ARHGAP6: variants seen among roughly 807,000 people sequenced by gnomAD.
The protein encoded by ARHGAP6 is rho GTPase-activating protein 6.
In ARHGAP6, 16 loss-of-function variants were observed where a neutral mutation model predicts 55.7. The ratio of observed to expected loss-of-function variants is 0.29; its 90% CI spans 0.19 to 0.44. The LOEUF (loss-of-function observed/expected upper bound fraction) is 0.44. Ranked by LOEUF, ARHGAP6 falls within the 20% of genes least tolerant of loss-of-function variation. The probability of loss-of-function intolerance (pLI) is 1.00; values close to 1 mark genes in which losing one functional copy is unlikely to be tolerated. For synonymous variants in ARHGAP6, 382 were observed against 360.9 expected (o/e 1.06, Z -0.66); for missense variants, 698 against 808.9 (o/e 0.86, Z 1.66).
chrX:11,139,376 G>T lies in ARHGAP6; in HGVS notation c.2412C>A (p.Ala804=). The T allele has an allele frequency of 1.7e-6, 2 of 1,181,754 alleles. No homozygotes were observed. Among genetic ancestry groups the T allele is most frequent in the Non-Finnish European group, 2.3e-6 (2 of 882,080 alleles). The change falls in exon 13 of 13, where the codon GCC becomes GCA. Residue 804 remains alanine (A), a synonymous_variant. Coordinates refer to ENST00000337414, the MANE Select transcript of ARHGAP6 (RefSeq NM_013427.3). ...GGTGGGCCCTGCCCTCCGTCGCGGGGGCTGCGGCCTGAGTCCTCCGAGCCC... is the reference window on the plus strand; with the variant it reads ...GGTGGGCCCTGCCCTCCGTCGCGGGTGCTGCGGCCTGAGTCCTCCGAGCCC... The part of the protein sequence containing the change: ...TQGARRTQAA[A]PATEGRAHPA...
At chrX:11,340,447 C>T (rs1013056276) in intron 1 of ARHGAP6, among the ~76,000 whole-genome samples, 3 of 112,024 alleles carry the variant, frequency 2.7e-5, no homozygotes, top group East Asian at 2.8e-4. Context: ...AAATAGATTT[C>T]GGCCGGGTGC....
At position 11,151,826 on chromosome X, in the gene ARHGAP6, G is replaced by A. The variant is rs1353269064; in HGVS notation, c.1907+4703C>T. On this transcript the variant is annotated intron_variant, in intron 10 of 12. Transcript: ENST00000337414. ...TGGCCTCACAGGAATGTAAAGCTTTGTTTAGGTATGTGAACTGGTGGCAGA... is the reference window on the plus strand; with the variant it reads ...TGGCCTCACAGGAATGTAAAGCTTTATTTAGGTATGTGAACTGGTGGCAGA... Among the ~76,000 whole-genome samples the A allele has an allele frequency of 1.9e-4, 21 of 111,846 alleles. No individual in the cohort carries two copies. The Admixed American group carries it at 2.0e-3, about 11-fold the overall frequency.
intron 1 of ARHGAP6, among the ~76,000 whole-genome samples, chrX:11,462,771 C>T (rs1162796975): frequency 2.7e-5 from 3 of 112,259 alleles, no homozygotes; most frequent in African/African-American, 9.7e-5. Context: ...GCATTTGCTT[C>T]CAACTTTTAA....
At chrX:11,219,966 G>A (rs1260657442) in intron 2 of ARHGAP6, among the ~76,000 whole-genome samples, 2 of 103,460 alleles carry the variant, frequency 1.9e-5, no homozygotes, top group African/African-American at 7.1e-5. Context: ...CCTTGCCCAT[G>A]CCTATGTCCT....
At chrX:11,168,770 G>A (rs979860329) in intron 9 of ARHGAP6, among the ~76,000 whole-genome samples, 1 of 111,976 alleles carries the variant, frequency 8.9e-6, no homozygotes, top group Non-Finnish European at 1.9e-5. Flanking sequence ...ATAGAAGAGA[G>A]TTGGCATTTG....
chrX:11,635,395 AT>A (rs201372399), intron 1 of ARHGAP6, among the ~76,000 whole-genome samples: 5 of 111,873 alleles, frequency 4.5e-5, no homozygotes, highest in Non-Finnish European at 9.4e-5. Context: ...ATTCTATGAG[AT>A]TTTTTTAAAA....
At chrX:11,517,738 A>G (rs760106393) in intron 1 of ARHGAP6, among the ~76,000 whole-genome samples, 4 of 111,288 alleles carry the variant, frequency 3.6e-5, no homozygotes, top group African/African-American at 1.3e-4. Flanking sequence ...CAAACACTGT[A>G]TGTTCTCACT....
intron 1 of ARHGAP6, among the ~76,000 whole-genome samples, chrX:11,450,204 G>A (rs954820875): frequency 2.5e-5 from 1 of 40,801 alleles, no homozygotes; most frequent in African/African-American, 1.8e-4. Context: ...CAAATAATAA[G>A]TGTGTGTGTG....
chrX:11,155,352 T>G (rs1248014505), intron 10 of ARHGAP6, among the ~76,000 whole-genome samples: 1 of 111,294 alleles, frequency 9.0e-6, no homozygotes, highest in Non-Finnish European at 1.9e-5. Context: ...CAGGCTGGAG[T>G]GCAGTGGTGC....
intron 1 of ARHGAP6, chrX:11,300,598 T>A: frequency 8.4e-7 from 1 of 1,194,318 alleles, no homozygotes; most frequent in Non-Finnish European, 1.1e-6. Context: ...CTTTTGCAAT[T>A]TTTTTCAGGA....
chrX:11,249,160 G>A (rs1246505807), intron 2 of ARHGAP6, among the ~76,000 whole-genome samples: 1 of 111,797 alleles, frequency 8.9e-6, no homozygotes, highest in Non-Finnish European at 1.9e-5. Flanking sequence ...TCTAAGTGAA[G>A]TAACTCAGGA....
chrX:11,389,185 T>C (rs2049371308), intron 1 of ARHGAP6, among the ~76,000 whole-genome samples: 1 of 111,876 alleles, frequency 8.9e-6, no homozygotes, highest in South Asian at 3.7e-4. Context: ...TAAAGAATTA[T>C]CCAGTCCAAA....
chrX:11,463,510 T>C, intron 1 of ARHGAP6, among the ~76,000 whole-genome samples: 1 of 111,143 alleles, frequency 9.0e-6, no homozygotes, highest in African/African-American at 3.3e-5. Context: ...GGCTAACTTT[T>C]TGATTTTTTG....
intron 1 of ARHGAP6, among the ~76,000 whole-genome samples, chrX:11,362,131 T>G (rs1316809774): frequency 9.0e-6 from 1 of 111,678 alleles, no homozygotes; most frequent in Non-Finnish European, 1.9e-5. Context: ...GAAACACCAT[T>G]TGACCCAGCC....
chrX:11,351,031 T>C lies in ARHGAP6; in HGVS notation c.589-96324A>G, dbSNP rs192934609. Among the ~76,000 whole-genome samples the C allele has an allele frequency of 3.8e-5, 4 of 104,187 alleles. No homozygotes were observed. The Admixed American group carries it at 4.2e-4, about 11-fold the overall frequency. The allele number at this position is 104,187 out of a possible 115,157, so 90.5% of individuals were successfully genotyped here. ...TGGGGTAACAAACACCCCCATCCTT[T>C]AGGTCATATTCAAATTACACACACA... is the stretch of plus-strand genomic sequence containing the variant. On this transcript the variant is annotated intron_variant, in intron 1 of 12. Coordinates refer to ENST00000337414, the MANE Select transcript of ARHGAP6 (RefSeq NM_013427.3).
At chrX:11,581,008 C>T (rs2051659133) in intron 1 of ARHGAP6, among the ~76,000 whole-genome samples, 1 of 112,164 alleles carries the variant, frequency 8.9e-6, no homozygotes, top group Non-Finnish European at 1.9e-5. Context: ...TAACAAAGTC[C>T]CCAGGGATTT....
intron 2 of ARHGAP6, among the ~76,000 whole-genome samples, chrX:11,224,636 G>C (rs897203645): frequency 9.2e-6 from 1 of 109,067 alleles, no homozygotes; most frequent in Non-Finnish European, 1.9e-5. Context: ...TAGAGGGAGA[G>C]TTGGGCAGGG....
At chrX:11,403,139 C>T (rs2049569928) in intron 1 of ARHGAP6, among the ~76,000 whole-genome samples, 1 of 111,716 alleles carries the variant, frequency 9.0e-6, no homozygotes, top group African/African-American at 3.3e-5. Context: ...AGCTCTGTAT[C>T]CTCCCCACCT....
At chrX:11,539,425 C>G (rs1239599594) in intron 1 of ARHGAP6, among the ~76,000 whole-genome samples, 1 of 112,172 alleles carries the variant, frequency 8.9e-6, no homozygotes, top group Non-Finnish European at 1.9e-5. Flanking sequence ...ATCCCCATAA[C>G]AGCTTTGTTT....
Sources: allele counts gnomAD v4.1 joint callset (sites outside exome capture counted in the v4.1 genomes callset), GRCh38; gene constraint gnomAD v4.1.1; transcripts MANE v1.5; gene names NCBI Gene and HGNC (gene_info 2026-07-23, HGNC 2026-07-21).